Variants in PIAS2 observed in about 807,000 individuals in gnomAD.
The protein encoded by PIAS2 is protein inhibitor of activated STAT 2.
PIAS2 carries 19 observed loss-of-function variants against 69.7 expected under a neutral mutation model. The ratio of observed to expected loss-of-function variants is 0.27; its 90% CI spans 0.19 to 0.40. The LOEUF is 0.40. Among genes scored for constraint, PIAS2 ranks in the 10% least tolerant of loss-of-function variants. The probability of loss-of-function intolerance (pLI) is 1.00; values close to 1 mark genes in which losing one functional copy is unlikely to be tolerated. For missense variants in PIAS2, 624 were observed against 757.0 expected, an observed-to-expected ratio of 0.82 and a Z score of 2.06; for synonymous variants, 261 against 263.2, an observed-to-expected ratio of 0.99 and a Z score of 0.08.
intron 8 of PIAS2, among the ~76,000 whole-genome samples, chr18:46,841,765 A>T (rs2045425324): frequency 6.6e-6 from 1 of 152,238 alleles, no homozygotes; most frequent in African/African-American, 2.4e-5. Flanking sequence ...AGAGAAAAAA[A>T]CATTTCAGAA....
chr18:46,891,601 A>AAATAAAAAACAAC (rs1568779698), intron 1 of PIAS2: 1 of 663,214 alleles, frequency 1.5e-6, no homozygotes, highest in East Asian at 1.4e-4. Context: ...CAAACAACAT[A>AAATAAAAAACAAC]ATAAAGATAT....
At chr18:46,877,255 A>G (rs2051363904) in intron 2 of PIAS2, among the ~76,000 whole-genome samples, 1 of 152,218 alleles carries the variant, frequency 6.6e-6, no homozygotes, top group African/African-American at 2.4e-5. Flanking sequence ...AAATGTTAAA[A>G]ACGTTTGAAG....
intron 12 of PIAS2, chr18:46,816,041 T>G (rs72907105): frequency 0.08 from 78,986 of 983,646 alleles, 3,286 homozygotes; most frequent in Non-Finnish European, 0.085. Context: ...TAAATAAAAT[T>G]TTTAGGTCTG....
chr18:46,886,594 T>C (rs563583170), intron 2 of PIAS2, among the ~76,000 whole-genome samples: 238 of 152,294 alleles, frequency 1.6e-3, no homozygotes, highest in Non-Finnish European at 2.7e-3. Flanking sequence ...TCCCAGCACT[T>C]TGGGAGGCCA....
intron 8 of PIAS2, among the ~76,000 whole-genome samples, chr18:46,839,801 G>T (rs1233200966): frequency 6.7e-6 from 1 of 150,310 alleles, no homozygotes; most frequent in Non-Finnish European, 1.5e-5. Flanking sequence ...GGAGGCAGAG[G>T]TTGCAGTAAG....
chr18:46,871,429 TAACCTCAG>T (rs1042170176), intron 2 of PIAS2, among the ~76,000 whole-genome samples: 3 of 152,116 alleles, frequency 2.0e-5, no homozygotes, highest in African/African-American at 7.2e-5. Flanking sequence ...CAAGACCAGG[TAACCTCAG>T]AACAGGGAGG....
intron 2 of PIAS2, among the ~76,000 whole-genome samples, chr18:46,870,864 C>T (rs998669516): frequency 1.3e-5 from 2 of 151,966 alleles, no homozygotes; most frequent in African/African-American, 2.4e-5. Context: ...AATTTCCAGC[C>T]CAAGACCCTC....
At chr18:46,826,883 T>G (rs1359823243) in intron 11 of PIAS2, 1 of 152,116 alleles carries the variant, frequency 6.6e-6, no homozygotes. Flanking sequence ...TAAACAATGT[T>G]GCAAAACAAG....
chr18:46,862,350 T>C (rs75172167), intron 3 of PIAS2, among the ~76,000 whole-genome samples: 8,592 of 152,238 alleles, frequency 0.056, 523 homozygotes, highest in African/African-American at 0.15. Flanking sequence ...AAAAATTATG[T>C]AATTAAGTAC....
At chr18:46,830,331 A>G (rs2043423537) in intron 9 of PIAS2, among the ~76,000 whole-genome samples, 1 of 152,164 alleles carries the variant, frequency 6.6e-6, no homozygotes, top group Admixed American at 6.5e-5. Context: ...AAATAAGTGT[A>G]TTTGAATTAA....
chr18:46,880,752 C>T (rs763720000), intron 2 of PIAS2, among the ~76,000 whole-genome samples: 2 of 152,214 alleles, frequency 1.3e-5, no homozygotes, highest in Admixed American at 6.5e-5. Context: ...AAAGTCAATA[C>T]AGGCTCTCTT....
At chr18:46,891,721 G>A in intron 1 of PIAS2, 1 of 667,334 alleles carries the variant, frequency 1.5e-6, no homozygotes, top group Non-Finnish European at 1.9e-6. Context: ...CCTTTGAAGA[G>A]CAAGGAAATG....
chr18:46,813,630 T>C (rs1232620651), intron 13 of PIAS2, among the ~76,000 whole-genome samples: 2 of 152,180 alleles, frequency 1.3e-5, no homozygotes, highest in Non-Finnish European at 2.9e-5. Flanking sequence ...CACTGGATTA[T>C]GGAACAGGAA....
At position 46,816,468 on chromosome 18, in the gene PIAS2, C is replaced by T. The variant is rs1038440112; in HGVS notation, c.1649-1119G>A. The T allele has an allele frequency of 8.1e-6, 8 of 982,412 alleles. No homozygotes were observed. In the African/African-American group the frequency reaches 1.4e-4, roughly 17 times the overall value. 60.9% of individuals were successfully genotyped at this position (982,412 alleles called of 1,614,324 possible). A position where few individuals can be genotyped will look rare whatever the true frequency, so the allele number is the denominator to read the frequency against. ...AAAGCCTTTTTGAAAATTGTTGCTA[C>T]AGATTTTTTTTTTTTCCTTTTTTTG... is the stretch of plus-strand genomic sequence containing the variant. On this transcript the variant is annotated intron_variant, in intron 12 of 13. Transcript: ENST00000585916.
At chr18:46,863,686 T>C (rs2049001738) in intron 3 of PIAS2, among the ~76,000 whole-genome samples, 2 of 152,242 alleles carry the variant, frequency 1.3e-5, no homozygotes, top group African/African-American at 2.4e-5. Context: ...AAAAATTTTA[T>C]TCTAACACAC....
In PIAS2 at chr18:46,864,253, G is replaced by T. The variant is rs757381785; in HGVS notation, c.500-5C>A. On this transcript the variant is annotated splice_polypyrimidine_tract_variant and splice_region_variant and intron_variant, in intron 2 of 13. Coordinates refer to ENST00000585916, the MANE Select transcript of PIAS2 (RefSeq NM_004671.5). The stretch of plus-strand genomic sequence containing the variant: ...ATCGCTGAATACTGCTTTGAACTGG[G>T]AAGAAAAAAAAAAAGAAAGATAATA... The T allele has an allele frequency of 6.5e-7, 1 of 1,533,058 alleles. No homozygotes were observed. Among genetic ancestry groups the T allele is most frequent in the South Asian group, 1.2e-5 (1 of 80,854 alleles). The allele number at this position is 1,533,058 out of a possible 1,614,324, so 95.0% of individuals were successfully genotyped here.
intron 2 of PIAS2, among the ~76,000 whole-genome samples, chr18:46,871,389 A>G (rs1220343213): frequency 6.6e-6 from 1 of 152,228 alleles, no homozygotes; most frequent in Non-Finnish European, 1.5e-5. Flanking sequence ...AAGTCCTCAC[A>G]TGCTAAACCA....
At chr18:46,827,611 T>C (rs377430375) in intron 11 of PIAS2, 13 of 179,036 alleles carry the variant, frequency 7.3e-5, no homozygotes, top group East Asian at 4.4e-4. Flanking sequence ...TGTGCCAAAA[T>C]TGGAATCCAT....
chr18:46,816,899 T>C, intron 12 of PIAS2: 3 of 941,166 alleles, frequency 3.2e-6, no homozygotes, highest in Non-Finnish European at 3.8e-6. Context: ...AGGTGAGATA[T>C]CTCAATAAGC....
Sources: allele counts gnomAD v4.1 joint callset (sites outside exome capture counted in the v4.1 genomes callset), GRCh38; gene constraint gnomAD v4.1.1; transcripts MANE v1.5; gene names NCBI Gene and HGNC (gene_info 2026-07-23, HGNC 2026-07-21).